The following UNC5C variants were observed in gnomAD, a reference collection of about 807,000 sequenced individuals.
UNC5C encodes the protein netrin receptor UNC5C.
UNC5C carries 47 observed loss-of-function variants against 99.8 expected under a neutral mutation model. The observed-to-expected ratio is 0.47, with a 90% CI of 0.37 to 0.60. The LOEUF (loss-of-function observed/expected upper bound fraction) is 0.60. Ranked by LOEUF, UNC5C falls within the 20% of genes least tolerant of loss-of-function variation. The probability of loss-of-function intolerance (pLI) is 0.00; values close to 1 mark genes in which losing one functional copy is unlikely to be tolerated. For synonymous variants in UNC5C, 487 were observed against 452.2 expected (o/e 1.08, Z -0.98); for missense variants, 1,062 against 1,165.9 (o/e 0.91, Z 1.30).
chr4:95,357,064 T>C (rs1402890524), intron 1 of UNC5C, among the ~76,000 whole-genome samples: 5 of 152,140 alleles, frequency 3.3e-5, no homozygotes, highest in Admixed American at 3.3e-4. Flanking sequence ...CTAATTCATC[T>C]GAGGTTTATT....
Position 95,548,942 on chromosome 4 carries a change from C to G in UNC5C, c.-85G>C. The G allele has an allele frequency of 1.3e-6, 2 of 1,532,800 alleles. No individual in the cohort carries two copies. The highest frequency in any genetic ancestry group is 2.4e-4 in the Middle Eastern group (1 of 4,176). 94.9% of individuals were successfully genotyped at this position (1,532,800 alleles called of 1,614,324 possible). A position where few individuals can be genotyped will look rare whatever the true frequency, so the allele number is the denominator to read the frequency against. On this transcript the variant is annotated 5_prime_UTR_variant, in exon 1 of 16. Coordinates refer to ENST00000453304, the MANE Select transcript of UNC5C (RefSeq NM_003728.4). ...AAGCCCCACTGGGCAGAAGCTGAAT[C>G]CGTGCACCGCGAAGCAGTCCGAAGA...
At chr4:95,534,165 G>A (rs1334490198) in intron 1 of UNC5C, among the ~76,000 whole-genome samples, 3 of 152,128 alleles carry the variant, frequency 2.0e-5, no homozygotes, top group Non-Finnish European at 2.9e-5. Flanking sequence ...CCTGATTTTC[G>A]GACAAAGAAA....
intron 12 of UNC5C, among the ~76,000 whole-genome samples, chr4:95,198,971 C>T (rs190116604): frequency 5.3e-5 from 8 of 152,204 alleles, no homozygotes; most frequent in Admixed American, 1.3e-4. Flanking sequence ...AAATAAAATG[C>T]CCCAATACCT....
chr4:95,234,196 C>G (rs1409086683), intron 7 of UNC5C, among the ~76,000 whole-genome samples: 1 of 152,002 alleles, frequency 6.6e-6, no homozygotes, highest in Non-Finnish European at 1.5e-5. Context: ...GCTTTCACAT[C>G]AGTTTAGGGA....
At chr4:95,295,283 G>A (rs1741633680) in intron 3 of UNC5C, among the ~76,000 whole-genome samples, 1 of 152,168 alleles carries the variant, frequency 6.6e-6, no homozygotes, top group South Asian at 2.1e-4. Flanking sequence ...CCATTGTAGT[G>A]GCAACTTGAA....
chr4:95,414,765 T>C (rs1437767790), intron 1 of UNC5C, among the ~76,000 whole-genome samples: 1 of 152,200 alleles, frequency 6.6e-6, no homozygotes, highest in African/African-American at 2.4e-5. Flanking sequence ...CAGAAACCCA[T>C]AACCTACTAT....
chr4:95,301,767 A>G lies in UNC5C; in HGVS notation c.347-18T>C. 1 of 1,610,616 alleles carries G rather than the reference A, an allele frequency of 6.2e-7. No homozygotes were observed. Among genetic ancestry groups the G allele is most frequent in the Non-Finnish European group, 8.5e-7 (1 of 1,179,154 alleles). On this transcript the variant is annotated intron_variant, in intron 2 of 15. Transcript: ENST00000453304. ...AATGAGACCTGACAAGAGAAAAAGA[A>G]AGATTTAAGTCAACACAAGATTCAT...
At position 95,216,158 on chromosome 4, in the gene UNC5C, T is replaced by C; in HGVS notation, c.1699A>G (p.Met567Val). 1 of 1,613,900 alleles carries C rather than the reference T, an allele frequency of 6.2e-7. No individual in the cohort carries two copies. Residue 567 changes from methionine (M) to valine (V), a missense_variant, in exon 10 of 16, where the codon ATG (methionine) becomes GTG (valine). Met to Val is a conservative substitution (Grantham distance 21). This residue lies in a region of UNC5C where 810 missense variants were observed against 854.5 expected (regional missense o/e 0.95). Coordinates refer to ENST00000453304, the MANE Select transcript of UNC5C (RefSeq NM_003728.4). ...TCTTTCCTGTGTACAGTCACATACA[T>C]TTCGTAGACTCTCCCTTGGGGAATG... Reference protein sequence around the residue: ...GAIPQGRVYEMYVTVHRKETM... With the variant: ...GAIPQGRVYEVYVTVHRKETM...
intron 4 of UNC5C, among the ~76,000 whole-genome samples, chr4:95,271,068 A>G (rs1740640892): frequency 6.6e-6 from 1 of 152,166 alleles, no homozygotes; most frequent in South Asian, 2.1e-4. Context: ...AAAGCAAGGG[A>G]ACTTATTGAA....
At chr4:95,212,240 A>C (rs557816345) in intron 10 of UNC5C, among the ~76,000 whole-genome samples, 1 of 152,194 alleles carries the variant, frequency 6.6e-6, no homozygotes, top group South Asian at 2.1e-4. Context: ...TAAAAAAAAA[A>C]GTTCTGAACA....
intron 1 of UNC5C, among the ~76,000 whole-genome samples, chr4:95,364,114 C>G (rs975006695): frequency 1.3e-5 from 2 of 152,182 alleles, no homozygotes; most frequent in Non-Finnish European, 2.9e-5. Context: ...TGCCGTGAAA[C>G]TTTCTGGAGC....
At chr4:95,346,214 C>A (rs1201982503) in intron 1 of UNC5C, among the ~76,000 whole-genome samples, 1 of 151,880 alleles carries the variant, frequency 6.6e-6, no homozygotes, top group Non-Finnish European at 1.5e-5. Context: ...CACATACATC[C>A]TACCAAGATT....
chr4:95,507,081 G>A (rs530445871), intron 1 of UNC5C, among the ~76,000 whole-genome samples: 10 of 151,944 alleles, frequency 6.6e-5, no homozygotes, highest in South Asian at 2.1e-4. Flanking sequence ...GTCAACAAAC[G>A]TCCAGGAATT....
At chr4:95,511,408 G>A (rs1722067885) in intron 1 of UNC5C, among the ~76,000 whole-genome samples, 1 of 152,060 alleles carries the variant, frequency 6.6e-6, no homozygotes, top group Non-Finnish European at 1.5e-5. Flanking sequence ...ATGCTCTGCT[G>A]AATTATTAGG....
chr4:95,247,438 C>T (rs1739542234), intron 5 of UNC5C, among the ~76,000 whole-genome samples: 1 of 152,152 alleles, frequency 6.6e-6, no homozygotes, highest in South Asian at 2.1e-4. Flanking sequence ...TCTGTATAAA[C>T]TGCTTACTAG....
At chr4:95,417,562 T>C (rs1040326195) in intron 1 of UNC5C, among the ~76,000 whole-genome samples, 5 of 152,204 alleles carry the variant, frequency 3.3e-5, no homozygotes, top group African/African-American at 1.2e-4. Context: ...GGCAAGCATC[T>C]TCAGTTCCTA....
At chr4:95,416,623 A>G (rs1746172857) in intron 1 of UNC5C, among the ~76,000 whole-genome samples, 1 of 152,240 alleles carries the variant, frequency 6.6e-6, no homozygotes, top group Non-Finnish European at 1.5e-5. Flanking sequence ...TAGGACAGTT[A>G]GATCCAGTTC....
intron 2 of UNC5C, among the ~76,000 whole-genome samples, chr4:95,331,820 A>C (rs1444891592): frequency 1.3e-5 from 2 of 152,128 alleles, no homozygotes; most frequent in African/African-American, 2.4e-5. Context: ...TTACCAACAT[A>C]GCATGAAATT....
intron 3 of UNC5C, among the ~76,000 whole-genome samples, chr4:95,285,735 G>A (rs1741207738): frequency 6.6e-6 from 1 of 152,198 alleles, no homozygotes; most frequent in African/African-American, 2.4e-5. Context: ...GAAACTGAAT[G>A]AACAGAAGTT....
Sources: allele counts gnomAD v4.1 joint callset (sites outside exome capture counted in the v4.1 genomes callset), GRCh38; gene constraint gnomAD v4.1.1; regional missense constraint gnomAD v4.1.1; transcripts MANE v1.5; gene names NCBI Gene and HGNC (gene_info 2026-07-23, HGNC 2026-07-21).